FUT8: variants seen among roughly 807,000 people sequenced by gnomAD.
FUT8 encodes alpha-(1,6)-fucosyltransferase.
A neutral mutation model predicts 71.3 loss-of-function variants in FUT8; 29 were observed. That is an observed-to-expected ratio of 0.41 (90% CI 0.30 to 0.55). FUT8 has a LOEUF of 0.55. Among genes scored for constraint, FUT8 ranks in the 20% least tolerant of loss-of-function variants. The probability of loss-of-function intolerance (pLI) is 0.34; values close to 1 mark genes in which losing one functional copy is unlikely to be tolerated. For missense variants in FUT8, 544 were observed against 702.1 expected (o/e 0.77, Z 2.55); for synonymous variants, 254 against 239.3 (o/e 1.06, Z -0.57).
At chr14:65,625,639 G>A (rs570560762) in intron 5 of FUT8, among the ~76,000 whole-genome samples, 8 of 152,220 alleles carry the variant, frequency 5.3e-5, no homozygotes, top group Admixed American at 3.3e-4. Flanking sequence ...GCTGCAAAGT[G>A]TCCTGTGTGT....
intron 1 of FUT8, among the ~76,000 whole-genome samples, chr14:65,443,245 C>A (rs1478327171): frequency 6.6e-6 from 1 of 151,692 alleles, no homozygotes; most frequent in African/African-American, 2.4e-5. Context: ...CCTGTCTCTA[C>A]TAAAAATACA....
At chr14:65,578,904 T>TA (rs1367581137) in intron 3 of FUT8, among the ~76,000 whole-genome samples, 2 of 152,094 alleles carry the variant, frequency 1.3e-5, no homozygotes, top group Non-Finnish European at 1.5e-5. Flanking sequence ...TGTTCTTTTT[T>TA]AAAAAAATGT....
At chr14:65,420,399 G>A (rs1385904020) in intron 1 of FUT8, among the ~76,000 whole-genome samples, 1 of 152,114 alleles carries the variant, frequency 6.6e-6, no homozygotes, top group Non-Finnish European at 1.5e-5. Context: ...TTACAGGTGT[G>A]AGCCACCAAA....
intron 7 of FUT8, among the ~76,000 whole-genome samples, chr14:65,708,153 A>T (rs537674481): frequency 7.9e-4 from 121 of 152,334 alleles, no homozygotes; most frequent in Non-Finnish European, 1.3e-3. Flanking sequence ...GATGTAATTG[A>T]ATCATGGGGG....
chr14:65,645,264 A>G (rs1891069537), intron 6 of FUT8, among the ~76,000 whole-genome samples: 1 of 152,350 alleles, frequency 6.6e-6, no homozygotes, highest in African/African-American at 2.4e-5. Context: ...ACAATTGTAT[A>G]AAGCTGACAA....
chr14:65,561,465 C>A lies in FUT8; in HGVS notation c.-99C>A. Reference sequence around the variant, plus strand: ...TCTGAAGCATCATGTGTTGAAACAACAGAAGTCTATTCACCTGTGCACTAA... The same window carrying A: ...TCTGAAGCATCATGTGTTGAAACAAAAGAAGTCTATTCACCTGTGCACTAA... On this transcript the variant is annotated 5_prime_UTR_variant, in exon 3 of 11. Transcript: ENST00000673929. The A allele has an allele frequency of 9.3e-7, 1 of 1,075,264 alleles. No individual in the cohort carries two copies. Among genetic ancestry groups the A allele is most frequent in the Non-Finnish European group, 1.4e-6 (1 of 717,130 alleles). The allele number at this position is 1,075,264 out of a possible 1,614,324, so 66.6% of individuals were successfully genotyped here. A position where few individuals can be genotyped will look rare whatever the true frequency, so the allele number is the denominator to read the frequency against.
At chr14:65,446,693 T>TTTA (rs59228651) in intron 1 of FUT8, among the ~76,000 whole-genome samples, 9 of 151,250 alleles carry the variant, frequency 6.0e-5, no homozygotes, top group Admixed American at 1.3e-4. Context: ...TTTTTTTTTT[T>TTTA]AACATGTTTA....
intron 3 of FUT8, among the ~76,000 whole-genome samples, chr14:65,602,343 T>TCACACA (rs1163052408): frequency 3.5e-3 from 171 of 48,478 alleles, no homozygotes; most frequent in Admixed American, 5.1e-3. Context: ...GTTCCATCTC[T>TCACACA]CACACACACA....
intron 3 of FUT8, among the ~76,000 whole-genome samples, chr14:65,596,115 G>C (rs971034834): frequency 1.1e-4 from 16 of 152,148 alleles, no homozygotes; most frequent in African/African-American, 3.9e-4. Context: ...TTTGGCAGTA[G>C]AATTGAAGAT....
intron 7 of FUT8, among the ~76,000 whole-genome samples, chr14:65,678,440 T>C (rs572907730): frequency 1.3e-5 from 2 of 152,330 alleles, no homozygotes; most frequent in African/African-American, 4.8e-5. Context: ...CAGTTTCTCT[T>C]AGTTTCTGGG....
the FUT8 span, among the ~76,000 whole-genome samples, chr14:65,375,796 G>T: frequency 3.0e-4 from 42 of 139,696 alleles, no homozygotes; most frequent in African/African-American, 9.5e-4. Context: ...AATCTAAAAG[G>T]TTTGTATTCT....
At chr14:65,716,640 GAC>G in intron 7 of FUT8, among the ~76,000 whole-genome samples, 1 of 151,818 alleles carries the variant, frequency 6.6e-6, no homozygotes, top group Admixed American at 6.6e-5. Context: ...TTTCTACACA[GAC>G]ACAGTAACAA....
chr14:65,459,094 A>G (rs1474006019), intron 2 of FUT8, among the ~76,000 whole-genome samples: 1 of 152,156 alleles, frequency 6.6e-6, no homozygotes, highest in Non-Finnish European at 1.5e-5. Flanking sequence ...CGGTCAGAGA[A>G]CATTTCTTAA....
intron 2 of FUT8, among the ~76,000 whole-genome samples, chr14:65,537,597 C>T (rs998939946): frequency 2.6e-5 from 4 of 152,072 alleles, no homozygotes; most frequent in African/African-American, 9.7e-5. Flanking sequence ...CCATGTTAGC[C>T]AGGATGGTCT....
chr14:65,433,786 TTC>T (rs71126744), intron 1 of FUT8, among the ~76,000 whole-genome samples: 2,663 of 144,800 alleles, frequency 0.018, 30 homozygotes, highest in African/African-American at 0.033. Context: ...CTTCTGTCTC[TTC>T]TCTCTCTCTC....
At chr14:65,366,335 C>A in the FUT8 span, among the ~76,000 whole-genome samples, 1 of 152,164 alleles carries the variant, frequency 6.6e-6, no homozygotes, top group Non-Finnish European at 1.5e-5. Context: ...GGAAAGGCAT[C>A]TCTGAGGAAG....
intron 2 of FUT8, among the ~76,000 whole-genome samples, chr14:65,539,283 G>A (rs565084700): frequency 6.6e-6 from 1 of 152,256 alleles, no homozygotes; most frequent in Admixed American, 6.5e-5. Context: ...TTGGTAGTGT[G>A]TTCCCTTGTA....
At chr14:65,530,887 A>G (rs1324962476) in intron 2 of FUT8, among the ~76,000 whole-genome samples, 1 of 149,480 alleles carries the variant, frequency 6.7e-6, no homozygotes, top group Non-Finnish European at 1.5e-5. Flanking sequence ...ATGTAACAAC[A>G]CCAAAAACCT....
chr14:65,513,974 A>C (rs1882535023), intron 2 of FUT8, among the ~76,000 whole-genome samples: 1 of 152,258 alleles, frequency 6.6e-6, no homozygotes, highest in Non-Finnish European at 1.5e-5. Flanking sequence ...GCTTCAGGGC[A>C]CAATTTTAGC....
Sources: gnomAD v4.1 joint callset for allele counts (sites outside exome capture counted in the v4.1 genomes callset) on GRCh38, gnomAD v4.1.1 for gene constraint, MANE v1.5 for transcripts, NCBI Gene and HGNC (gene_info 2026-07-23, HGNC 2026-07-21) for gene names.